Variants in SCN3A observed in about 807,000 individuals in gnomAD.
The protein encoded by SCN3A is sodium voltage-gated channel alpha subunit 3.
SCN3A carries 60 observed loss-of-function variants against 187.6 expected under a neutral mutation model. The observed-to-expected ratio is 0.32, with a 90% CI of 0.26 to 0.40. SCN3A has a LOEUF of 0.40. Among genes scored for constraint, SCN3A ranks in the 10% least tolerant of loss-of-function variants. The probability of loss-of-function intolerance (pLI) is 1.00; values close to 1 mark genes in which losing one functional copy is unlikely to be tolerated. For missense variants in SCN3A, 1,601 were observed against 2,428.2 expected (o/e 0.66, Z 7.16); for synonymous variants, 788 against 829.2 (o/e 0.95, Z 0.85).
At chr2:165,177,104 C>G (rs1404064509) in intron 2 of SCN3A, among the ~76,000 whole-genome samples, 1 of 152,172 alleles carries the variant, frequency 6.6e-6, no homozygotes, top group Non-Finnish European at 1.5e-5. Flanking sequence ...ATCTACCTAT[C>G]TTTAGTATTT....
intron 2 of SCN3A, among the ~76,000 whole-genome samples, chr2:165,177,192 C>T (rs766167671): frequency 1.3e-5 from 2 of 152,162 alleles, no homozygotes; most frequent in Non-Finnish European, 2.9e-5. Context: ...CAATATGCTG[C>T]CCTTCAATTA....
At chr2:165,165,151 C>CT (rs1004720854) in intron 5 of SCN3A, among the ~76,000 whole-genome samples, 17 of 151,710 alleles carry the variant, frequency 1.1e-4, no homozygotes, top group African/African-American at 3.6e-4. Flanking sequence ...AAATATATTT[C>CT]TTTTTTTTCA....
At chr2:165,184,300 A>G (rs1325041086) in intron 2 of SCN3A, among the ~76,000 whole-genome samples, 2 of 152,082 alleles carry the variant, frequency 1.3e-5, no homozygotes, top group Non-Finnish European at 2.9e-5. Context: ...AATAAACAAA[A>G]TTCTATTGAA....
chr2:165,194,534 C>T (rs1366894111), intron 1 of SCN3A, among the ~76,000 whole-genome samples: 1 of 149,342 alleles, frequency 6.7e-6, no homozygotes, highest in Non-Finnish European at 1.5e-5. Flanking sequence ...AGGTCCTCTG[C>T]AGCCCAAATT....
rs529040964 is a variant in SCN3A at position 165,109,691 on chromosome 2, T to A, written c.3843+3194A>T. ...TCTGCTTTTACTCTTTGCCTCCCCC[T>A]CTCCATAGCCAGATATGATCATTTT... is the stretch of plus-strand genomic sequence containing the variant. On this transcript the variant is annotated intron_variant, in intron 21 of 27. Coordinates refer to ENST00000283254, the MANE Select transcript of SCN3A (RefSeq NM_006922.4). Among the ~76,000 whole-genome samples the A allele has an allele frequency of 3.3e-5, 5 of 152,276 alleles. No homozygotes were observed. In the South Asian group the frequency reaches 1.0e-3, roughly 32 times the overall value.
At chr2:165,138,675 C>T (rs1460038245) in intron 14 of SCN3A, among the ~76,000 whole-genome samples, 1 of 152,058 alleles carries the variant, frequency 6.6e-6, no homozygotes, top group Non-Finnish European at 1.5e-5. Flanking sequence ...AGAATTTTAG[C>T]ATCATGTATT....
In SCN3A at chr2:165,162,583, T is replaced by C; in HGVS notation, c.940A>G (p.Asn314Asp). The C allele has an allele frequency of 6.2e-7, 1 of 1,614,128 alleles. No homozygotes were observed. Among genetic ancestry groups the C allele is most frequent in the Non-Finnish European group, 8.5e-7 (1 of 1,179,978 alleles). Residue 314 changes from asparagine (N) to aspartate (D), a missense_variant, in exon 8 of 28, where the codon AAC becomes GAC. Physicochemically the swap from Asn to Asp is conservative, Grantham distance 23. Coordinates refer to ENST00000283254, the MANE Select transcript of SCN3A (RefSeq NM_006922.4). ...TCATCTCCAATGTAATCCTTCCAGT[T>C]AAATGTGCTCATTGTTACATTAACA... The part of the protein sequence containing the change: ...TFVNVTMSTF[N>D]WKDYIGDDSH...
intron 2 of SCN3A, among the ~76,000 whole-genome samples, chr2:165,181,708 A>T (rs1387024512): frequency 1.3e-5 from 2 of 152,152 alleles, no homozygotes; most frequent in African/African-American, 4.8e-5. Flanking sequence ...GAATAACCAT[A>T]GTTTGTCAGT....
intron 24 of SCN3A, 105 bp from the exon 25 acceptor site, chr2:165,095,753 C>T: frequency 1.6e-6 from 1 of 644,622 alleles, no homozygotes; most frequent in Non-Finnish European, 2.6e-6. Context: ...CTACTTTTGC[C>T]TTACCCTGAG....
In SCN3A at chr2:165,097,536, AG is replaced by A; in HGVS notation, c.3967-13del. 6.2e-7 allele frequency: 1 copy of A among 1,613,160 alleles called. No individual in the cohort carries two copies. Among genetic ancestry groups the A allele is most frequent in the Non-Finnish European group, 8.5e-7 (1 of 1,179,946 alleles). On this transcript the variant is annotated splice_polypyrimidine_tract_variant and intron_variant, in intron 22 of 27. Transcript: ENST00000283254. ...GCATTCACAACCACCTAGAAGAGAC[AG>A]CGAGGGGAACATAGCTTACAAACCT...
At chr2:165,114,510 C>G (rs539616658) in intron 19 of SCN3A, among the ~76,000 whole-genome samples, 16 of 152,160 alleles carry the variant, frequency 1.1e-4, no homozygotes, top group African/African-American at 3.6e-4. Context: ...TTGTCCTCCC[C>G]CTCCTAGCTT....
At position 165,160,166 on chromosome 2, in the gene SCN3A, A is replaced by G. The variant is rs893997653; in HGVS notation, c.1031+2142T>C. On this transcript the variant is annotated intron_variant, in intron 9 of 27. Transcript: ENST00000283254. The stretch of plus-strand genomic sequence containing the variant: ...AAACAAAAACAAAAATCTCATCACC[A>G]ATGGCCAGGCGCAGTGGCTCATGCC... Among the ~76,000 whole-genome samples, 6 of 85,338 alleles carry G rather than the reference A, an allele frequency of 7.0e-5. 2 individuals carry two copies. Among genetic ancestry groups the G allele is most frequent in the Non-Finnish European group, 1.0e-4 (5 of 50,208 alleles). 56.0% of individuals were successfully genotyped at this position (85,338 alleles called of 152,430 possible).
At chr2:165,181,541 A>C (rs1040243791) in intron 2 of SCN3A, among the ~76,000 whole-genome samples, 1 of 152,184 alleles carries the variant, frequency 6.6e-6, no homozygotes, top group Non-Finnish European at 1.5e-5. Flanking sequence ...TAGGCTGTCA[A>C]GCTCCCAGTG....
In SCN3A at chr2:165,162,894, C is replaced by T. The variant is rs1689497781; in HGVS notation, c.695-66G>A. On this transcript the variant is annotated intron_variant, in intron 7 of 27. Coordinates refer to ENST00000283254, the MANE Select transcript of SCN3A (RefSeq NM_006922.4). Reference sequence around the variant, plus strand: ...AGAAATCATGATTTCTTAATAGTCACACACATTCTCTTTCCCCCATAAATG... The same window carrying T: ...AGAAATCATGATTTCTTAATAGTCATACACATTCTCTTTCCCCCATAAATG... 17 of 1,560,718 alleles carry T rather than the reference C, an allele frequency of 1.1e-5. No homozygotes were observed. The Admixed American group carries it at 2.7e-4, about 25-fold the overall frequency.
chr2:165,168,290 T>A (rs1218373258), intron 5 of SCN3A, among the ~76,000 whole-genome samples: 1 of 152,084 alleles, frequency 6.6e-6, no homozygotes, highest in Non-Finnish European at 1.5e-5. Context: ...TAAATATAAC[T>A]TAGACATCTT....
rs115007727 is a variant in SCN3A at position 165,114,299 on chromosome 2, A to G, written c.3515-329T>C. On this transcript the variant is annotated intron_variant, in intron 19 of 27. Transcript: ENST00000283254. ...GTGCATCTCTCAGGTTTGAGGCAAA[A>G]ACTACATGTTCGATTTGTTTATTCA... Among the ~76,000 whole-genome samples the G allele has an allele frequency of 6.1e-3, 931 of 152,286 alleles. 17 individuals carry two copies. Among genetic ancestry groups the G allele is most frequent in the African/African-American group, 0.02 (837 of 41,556 alleles).
intron 24 of SCN3A, 54 bp from the exon 25 acceptor site, chr2:165,095,702 C>G (rs1431310676): frequency 9.8e-7 from 1 of 1,020,044 alleles, no homozygotes. Flanking sequence ...AATACTTACA[C>G]TAAATCAGTA....
At chr2:165,139,902 G>T (rs1172473879) in intron 13 of SCN3A, among the ~76,000 whole-genome samples, 4 of 151,968 alleles carry the variant, frequency 2.6e-5, no homozygotes, top group Admixed American at 2.0e-4. Context: ...TTGTAAACAT[G>T]CTAAAGTCAT....
Position 165,091,349 on chromosome 2 carries a change from T to C in SCN3A, c.4808-4A>G, listed in dbSNP as rs1173318300. 1.9e-6 allele frequency: 3 copies of C among 1,613,750 alleles called. No individual in the cohort carries two copies. Among genetic ancestry groups the C allele is most frequent in the East Asian group, 4.5e-5 (2 of 44,884 alleles). On this transcript the variant is annotated splice_region_variant and splice_polypyrimidine_tract_variant and intron_variant, in intron 27 of 27. Coordinates refer to ENST00000283254, the MANE Select transcript of SCN3A (RefSeq NM_006922.4). ...ATCATCTCAGCCAGAAACATACCTA[T>C]GGAAAACATAGAACACAGCTAAACA... is the stretch of plus-strand genomic sequence containing the variant.
Sources: allele counts gnomAD v4.1 joint callset (sites outside exome capture counted in the v4.1 genomes callset), GRCh38; gene constraint gnomAD v4.1.1; transcripts MANE v1.5; gene names NCBI Gene and HGNC (gene_info 2026-07-23, HGNC 2026-07-21).